The following ACAD11 variants were observed in gnomAD, a reference collection of about 807,000 sequenced individuals.
ACAD11 encodes acyl-Coenzyme A dehydrogenase family, member 11.
In ACAD11, 83 loss-of-function variants were observed where a neutral mutation model predicts 102.2. The observed-to-expected ratio is 0.81, with a 90% CI of 0.68 to 0.97. The LOEUF (loss-of-function observed/expected upper bound fraction) is 0.97. Ranked by LOEUF, ACAD11 falls within the 50% of genes least tolerant of loss-of-function variation. The pLI is 0.00. For synonymous variants in ACAD11, 324 were observed against 319.8 expected, an observed-to-expected ratio of 1.01 and a Z score of -0.14; for missense variants, 901 against 951.7, an observed-to-expected ratio of 0.95 and a Z score of 0.70.
intron 1 of ACAD11, among the ~76,000 whole-genome samples, chr3:132,645,395 G>A (rs575171782): frequency 6.6e-6 from 1 of 152,262 alleles, no homozygotes; most frequent in African/African-American, 2.4e-5. Context: ...TGAGAAGTGA[G>A]GTCCCACAGT....
intron 13 of ACAD11, among the ~76,000 whole-genome samples, chr3:132,589,287 C>G (rs549683176): frequency 4.6e-5 from 7 of 152,136 alleles, no homozygotes; most frequent in Non-Finnish European, 1.0e-4. Context: ...ATCTGAGGAC[C>G]AACCCAAAGA....
At chr3:132,586,351 G>A (rs937862522) in intron 13 of ACAD11, among the ~76,000 whole-genome samples, 4 of 152,094 alleles carry the variant, frequency 2.6e-5, no homozygotes, top group African/African-American at 9.7e-5. Flanking sequence ...TGGGGTGGGG[G>A]GAGGCAGGAG....
chr3:132,561,096 C>G lies in ACAD11; in HGVS notation c.2118+5G>C, dbSNP rs778515084. On this transcript the variant is annotated splice_donor_5th_base_variant and intron_variant, in intron 18 of 19. Transcript: ENST00000264990. ...TGGTGGTCTGAGGGGAGAAGGTAGC[C>G]TCACCTCTTTCTTAGCGCCAGCACT... 1 of 1,609,560 alleles carries G rather than the reference C, an allele frequency of 6.2e-7. No individual in the cohort carries two copies. Among genetic ancestry groups the G allele is most frequent in the African/African-American group, 1.3e-5 (1 of 74,846 alleles).
chr3:132,632,384 T>A (rs1940084158), intron 5 of ACAD11, among the ~76,000 whole-genome samples: 1 of 152,176 alleles, frequency 6.6e-6, no homozygotes, highest in Admixed American at 6.5e-5. Flanking sequence ...TACAGGACAT[T>A]CTTTTGTTCA....
chr3:132,626,346 T>G (rs1287334848), intron 9 of ACAD11, among the ~76,000 whole-genome samples: 1 of 151,994 alleles, frequency 6.6e-6, no homozygotes, highest in Admixed American at 6.6e-5. Flanking sequence ...GTCCATCTTG[T>G]ATAGTCTACA....
chr3:132,631,326 A>G lies in ACAD11; in HGVS notation c.841+15T>C. 7.2e-7 allele frequency: 1 copy of G among 1,395,154 alleles called. No homozygotes were observed. Among genetic ancestry groups the G allele is most frequent in the Non-Finnish European group, 9.4e-7 (1 of 1,061,694 alleles). The allele number at this position is 1,395,154 out of a possible 1,614,324, so 86.4% of individuals were successfully genotyped here. On this transcript the variant is annotated intron_variant, in intron 6 of 19. Transcript: ENST00000264990. ...TTATATTAATAGCAATTTAGACAAC[A>G]TTATGTTTTTATACCTGAGTTTTCA...
intron 17 of ACAD11, among the ~76,000 whole-genome samples, chr3:132,567,270 G>A (rs536854764): frequency 2.6e-5 from 4 of 152,238 alleles, no homozygotes; most frequent in African/African-American, 9.6e-5. Flanking sequence ...GAACTACTGC[G>A]CCAGGCCCAA....
chr3:132,559,006 G>A lies in ACAD11; in HGVS notation c.2308C>T (p.Arg770Trp), dbSNP rs200376706. 1.4e-5 allele frequency: 23 copies of A among 1,613,558 alleles called. No individual in the cohort carries two copies. The East Asian group carries it at 3.8e-4, about 27-fold the overall frequency. The change falls in exon 20 of 20, where the codon CGG becomes TGG. Residue 770 changes from arginine (R) to tryptophan (W), a missense_variant. Transcript: ENST00000264990. ...GCTGTCAGTCTTTTGGCTTGGTCCC[G>A]CAGCTCCATTGTTGCGATTGCTGAA... is the stretch of plus-strand genomic sequence containing the variant. Reference protein sequence around the residue: ...HLSAIATMELRDQAKRLTAKI With the variant: ...HLSAIATMELWDQAKRLTAKI
chr3:132,611,916 A>C (rs200073566), intron 11 of ACAD11, among the ~76,000 whole-genome samples: 1 of 151,968 alleles, frequency 6.6e-6, no homozygotes, highest in Non-Finnish European at 1.5e-5. Context: ...TGCATCGCCA[A>C]GTCAATCCTA....
At chr3:132,606,216 A>G (rs574424351) in intron 11 of ACAD11, among the ~76,000 whole-genome samples, 9 of 152,302 alleles carry the variant, frequency 5.9e-5, no homozygotes, top group Middle Eastern at 6.8e-3. Flanking sequence ...GAGTTGTGTA[A>G]GTTAAACTTC....
intron 1 of ACAD11, among the ~76,000 whole-genome samples, chr3:132,655,670 T>C (rs1207172977): frequency 1.3e-5 from 2 of 152,228 alleles, no homozygotes; most frequent in Non-Finnish European, 2.9e-5. Context: ...TCCTCCATGT[T>C]ACATATCAAC....
intron 13 of ACAD11, among the ~76,000 whole-genome samples, chr3:132,582,787 T>G (rs889741180): frequency 1.3e-5 from 2 of 152,052 alleles, no homozygotes; most frequent in African/African-American, 2.4e-5. Flanking sequence ...AGGCTGGTGG[T>G]AGAATAAGGA....
chr3:132,652,157 T>C (rs1030726771), intron 1 of ACAD11, among the ~76,000 whole-genome samples: 2 of 152,166 alleles, frequency 1.3e-5, no homozygotes, highest in Non-Finnish European at 2.9e-5. Context: ...TAGGAGGTAA[T>C]TGAATAATGG....
chr3:132,643,314 G>C (rs946859284), intron 2 of ACAD11, among the ~76,000 whole-genome samples: 5 of 152,140 alleles, frequency 3.3e-5, no homozygotes, highest in African/African-American at 1.2e-4. Flanking sequence ...CCAGGGCAGG[G>C]GCATGGGGAT....
chr3:132,589,347 A>C (rs1036158906), intron 13 of ACAD11, among the ~76,000 whole-genome samples: 1 of 152,182 alleles, frequency 6.6e-6, no homozygotes, highest in Non-Finnish European at 1.5e-5. Context: ...TTCATTGTGG[A>C]TCTTACCTAA....
At chr3:132,607,109 C>G (rs1423947563) in intron 11 of ACAD11, among the ~76,000 whole-genome samples, 1 of 152,270 alleles carries the variant, frequency 6.6e-6, no homozygotes, top group South Asian at 2.1e-4. Flanking sequence ...CACAAAAACT[C>G]CATCTGAAGG....
intron 5 of ACAD11, 34 bp downstream of exon 5, chr3:132,639,458 C>G: frequency 6.3e-7 from 1 of 1,596,164 alleles, no homozygotes; most frequent in South Asian, 1.1e-5. Flanking sequence ...CAAAACAGAC[C>G]TACTCAATTA....
At chr3:132,562,817 C>T (rs1324051082) in intron 17 of ACAD11, among the ~76,000 whole-genome samples, 2 of 152,120 alleles carry the variant, frequency 1.3e-5, no homozygotes, top group Admixed American at 6.5e-5. Flanking sequence ...ATATTCAGGA[C>T]GCTAGTCATT....
intron 13 of ACAD11, among the ~76,000 whole-genome samples, chr3:132,598,098 CT>C (rs1401280092): frequency 6.6e-6 from 1 of 152,042 alleles, no homozygotes; most frequent in African/African-American, 2.4e-5. Context: ...AGTTGGCACA[CT>C]GTTTTAAAAA....
Sources: gnomAD v4.1 joint callset for allele counts (sites outside exome capture counted in the v4.1 genomes callset) on GRCh38, gnomAD v4.1.1 for gene constraint, MANE v1.5 for transcripts, NCBI Gene and HGNC (gene_info 2026-07-23, HGNC 2026-07-21) for gene names.